Variants in PTGER4 observed in about 807,000 individuals in gnomAD.
PTGER4 encodes prostaglandin E receptor 4.
PTGER4 carries 11 observed loss-of-function variants against 33.2 expected under a neutral mutation model. The ratio of observed to expected loss-of-function variants is 0.33; its 90% confidence interval spans 0.21 to 0.55. The LOEUF is 0.55. Ranked by LOEUF, PTGER4 falls within the 20% of genes least tolerant of loss-of-function variation. PTGER4 has a pLI of 0.92. For missense variants in PTGER4, 481 were observed against 650.2 expected (o/e 0.74, Z 2.83); for synonymous variants, 275 against 281.5 (o/e 0.98, Z 0.23).
the PTGER4 span, among the ~76,000 whole-genome samples, chr5:40,735,921 C>A: frequency 6.6e-6 from 1 of 152,108 alleles, no homozygotes; most frequent in Non-Finnish European, 1.5e-5. Context: ...GATGGTTCAT[C>A]AAGAAATGGA....
At chr5:40,725,997 G>GGA in the PTGER4 span, among the ~76,000 whole-genome samples, 7 of 151,678 alleles carry the variant, frequency 4.6e-5, no homozygotes, top group Non-Finnish European at 8.8e-5. Flanking sequence ...GTGTTAGCCA[G>GGA]GATGGTCTCA....
Position 40,692,883 on chromosome 5 carries a change from A to G in PTGER4, c.*505A>G. 1 of 983,346 alleles carries G rather than the reference A, an allele frequency of 1.0e-6. No individual in the cohort carries two copies. The highest frequency in any genetic ancestry group is 1.2e-6 in the Non-Finnish European group (1 of 827,536). 60.9% of individuals were successfully genotyped at this position (983,346 alleles called of 1,614,324 possible). A position where few individuals can be genotyped will look rare whatever the true frequency, so the allele number is the denominator to read the frequency against. On this transcript the variant is annotated 3_prime_UTR_variant, in exon 3 of 3. Transcript: ENST00000302472. Reference sequence around the variant, plus strand: ...CTCTGTGAGAAGGTTTATTGTTAATACAAGGTATAATAAAATTATCGCAAC... The same window carrying G: ...CTCTGTGAGAAGGTTTATTGTTAATGCAAGGTATAATAAAATTATCGCAAC...
At chr5:40,738,524 AAATAC>A in the PTGER4 span, among the ~76,000 whole-genome samples, 5 of 98,016 alleles carry the variant, frequency 5.1e-5, no homozygotes, top group African/African-American at 1.5e-4. Flanking sequence ...CAATAAAATA[AAATAC>A]AATAAAATAC....
the PTGER4 span, among the ~76,000 whole-genome samples, chr5:40,732,354 GGA>G: frequency 6.6e-6 from 1 of 152,022 alleles, no homozygotes; most frequent in East Asian, 1.9e-4. Flanking sequence ...TTATTGATGA[GGA>G]ACCAATGGTT....
chr5:40,737,116 C>T, the PTGER4 span, among the ~76,000 whole-genome samples: 1 of 151,918 alleles, frequency 6.6e-6, no homozygotes, highest in East Asian at 1.9e-4. Flanking sequence ...GGCAACATGG[C>T]AAAACCCCAT....
At chr5:40,743,775 A>G in the PTGER4 span, among the ~76,000 whole-genome samples, 122 of 152,290 alleles carry the variant, frequency 8.0e-4, no homozygotes, top group Middle Eastern at 6.8e-3. Flanking sequence ...CTCCACCTCA[A>G]AAAAATATAT....
In PTGER4 at chr5:40,680,846, G is replaced by A; in HGVS notation, c.-43-105G>A. On this transcript the variant is annotated intron_variant, in intron 1 of 2. Transcript: ENST00000302472. This position sits in a 1 kb window ranked among gnomAD's most constrained non-coding sequence, Gnocchi z 5.5. Reference sequence around the variant, plus strand: ...ACAATCCAGAAAGTAGGATCGAGTTGCTCCCCTTGTCTTATCAGTGTATCG... The same window carrying A: ...ACAATCCAGAAAGTAGGATCGAGTTACTCCCCTTGTCTTATCAGTGTATCG... 9.8e-7 allele frequency: 1 copy of A among 1,024,214 alleles called. No individual in the cohort carries two copies. The highest frequency in any genetic ancestry group is 1.4e-6 in the Non-Finnish European group (1 of 703,074). The allele number at this position is 1,024,214 out of a possible 1,614,324, so 63.4% of individuals were successfully genotyped here. A position where few individuals can be genotyped will look rare whatever the true frequency, so the allele number is the denominator to read the frequency against.
chr5:40,735,953 G>C, the PTGER4 span, among the ~76,000 whole-genome samples: 1 of 152,218 alleles, frequency 6.6e-6, no homozygotes, highest in Admixed American at 6.5e-5. Context: ...AGTGGGAGCA[G>C]AGAAATGGCA....
chr5:40,693,975 G>A (rs1741532139), downstream of PTGER4, among the ~76,000 whole-genome samples: 1 of 151,966 alleles, frequency 6.6e-6, no homozygotes, highest in Non-Finnish European at 1.5e-5. Flanking sequence ...GACATATAAA[G>A]GACTCAAATA....
chr5:40,742,223 C>T, the PTGER4 span, among the ~76,000 whole-genome samples: 22 of 151,788 alleles, frequency 1.4e-4, no homozygotes, highest in Non-Finnish European at 2.9e-4. Context: ...TTTTTGTATC[C>T]GTTATTGGAT....
chr5:40,707,450 G>T, the PTGER4 span, among the ~76,000 whole-genome samples: 3 of 152,158 alleles, frequency 2.0e-5, no homozygotes, highest in South Asian at 2.1e-4. Flanking sequence ...TTACATAATG[G>T]TAAAGAGAGA....
chr5:40,688,896 TA>T (rs1463432961), intron 2 of PTGER4, among the ~76,000 whole-genome samples: 10 of 152,212 alleles, frequency 6.6e-5, no homozygotes, highest in Admixed American at 6.5e-5. Flanking sequence ...GTCTTCCATA[TA>T]GGAAGATATT....
intron 2 of PTGER4, among the ~76,000 whole-genome samples, chr5:40,690,988 T>C (rs1367679560): frequency 2.0e-5 from 3 of 152,238 alleles, no homozygotes; most frequent in Non-Finnish European, 4.4e-5. Context: ...ACTCAGAACA[T>C]GTAATTGCAT....
At chr5:40,700,413 G>C in the PTGER4 span, among the ~76,000 whole-genome samples, 56 of 152,290 alleles carry the variant, frequency 3.7e-4, no homozygotes, top group African/African-American at 1.3e-3. Flanking sequence ...TGCCACCCTT[G>C]GACTAACGAA....
downstream of PTGER4, among the ~76,000 whole-genome samples, chr5:40,694,564 CTTCT>C (rs1741546481): frequency 6.6e-6 from 1 of 152,322 alleles, no homozygotes; most frequent in African/African-American, 2.4e-5. Flanking sequence ...AGATGGCTCC[CTTCT>C]TTCTGTGTCC....
chr5:40,745,375 T>C, the PTGER4 span, among the ~76,000 whole-genome samples: 7 of 152,156 alleles, frequency 4.6e-5, no homozygotes, highest in African/African-American at 1.2e-4. Flanking sequence ...TGTCTGAAAC[T>C]TACTTTCAAA....
At chr5:40,686,793 A>G (rs1235007573) in intron 2 of PTGER4, among the ~76,000 whole-genome samples, 1 of 152,140 alleles carries the variant, frequency 6.6e-6, no homozygotes, top group Non-Finnish European at 1.5e-5. Flanking sequence ...AGCAACTTGG[A>G]AGGTTGAGGC....
chr5:40,681,211 G>A lies in PTGER4; in HGVS notation c.218G>A (p.Ser73Asn). ...GACCTGTTGGGCACTTTGTTGGTGA[G>A]CCCGGTGACCATCGCCACGTACATG... The part of the protein sequence containing the change: ...VTDLLGTLLV[S>N]PVTIATYMKG... The change falls in exon 2 of 3, where the codon AGC becomes AAC. Residue 73 changes from serine (S) to asparagine (N), a missense_variant. Ser to Asn is a conservative substitution (Grantham distance 46, BLOSUM62 1). This residue lies in a region of PTGER4 where 61 missense variants were observed against 145.2 expected (regional missense o/e 0.42). Coordinates refer to ENST00000302472, the MANE Select transcript of PTGER4 (RefSeq NM_000958.3). This position sits in a 1 kb window ranked among gnomAD's most constrained non-coding sequence, Gnocchi z 9.8. 1 of 1,614,146 alleles carries A rather than the reference G, an allele frequency of 6.2e-7. No individual in the cohort carries two copies. Among genetic ancestry groups the A allele is most frequent in the Non-Finnish European group, 8.5e-7 (1 of 1,180,042 alleles).
At chr5:40,709,669 A>T in the PTGER4 span, among the ~76,000 whole-genome samples, 1 of 152,334 alleles carries the variant, frequency 6.6e-6, no homozygotes, top group Admixed American at 6.5e-5. Context: ...TCTTCACAGA[A>T]TTGGAAAAAA....
Sources: allele counts gnomAD v4.1 joint callset (sites outside exome capture counted in the v4.1 genomes callset), GRCh38; gene constraint gnomAD v4.1.1; regional missense constraint gnomAD v4.1.1; non-coding constraint Gnocchi (gnomAD v3.1); transcripts MANE v1.5; gene names NCBI Gene and HGNC (gene_info 2026-07-23, HGNC 2026-07-21).